The following THRB variants were observed in gnomAD, a reference collection of about 807,000 sequenced individuals.
THRB encodes nuclear receptor subfamily 1 group A member 2.
A neutral mutation model predicts 47.8 loss-of-function variants in THRB; 12 were observed. The ratio of observed to expected loss-of-function variants is 0.25; its 90% confidence interval spans 0.16 to 0.41. The LOEUF (loss-of-function observed/expected upper bound fraction) is 0.41. Among genes scored for constraint, THRB ranks in the 10% least tolerant of loss-of-function variants. THRB has a pLI of 1.00. For missense variants in THRB, 348 were observed against 589.2 expected (o/e 0.59, Z 4.24); for synonymous variants, 218 against 212.2 (o/e 1.03, Z -0.24).
At position 24,181,763 on chromosome 3, in the gene THRB, C is replaced by T. The variant is rs73037635; in HGVS notation, c.283+8311G>A. On this transcript the variant is annotated intron_variant, in intron 5 of 10. Coordinates refer to ENST00000646209, the MANE Select transcript of THRB (RefSeq NM_001354712.2). Reference sequence around the variant, plus strand: ...TCTCTCTTATCCCTTGCTATCCTTACCCTGTTCATGGCCTCCTTCTAGTCC... The same window carrying T: ...TCTCTCTTATCCCTTGCTATCCTTATCCTGTTCATGGCCTCCTTCTAGTCC... Among the ~76,000 whole-genome samples the T allele has an allele frequency of 9.3e-3, 1,414 of 152,318 alleles. 21 individuals carry two copies. Among genetic ancestry groups the T allele is most frequent in the Non-Finnish European group, 0.012 (792 of 68,026 alleles).
chr3:24,343,469 C>T (rs71328474), intron 1 of THRB, among the ~76,000 whole-genome samples: 4 of 152,162 alleles, frequency 2.6e-5, no homozygotes, highest in South Asian at 2.1e-4. Context: ...ACGAAACAAG[C>T]GCAAGAGTAC....
At chr3:24,229,121 C>G (rs997866546) in intron 3 of THRB, 120 bp from the exon 4 acceptor site, 6 of 687,610 alleles carry the variant, frequency 8.7e-6, no homozygotes, top group African/African-American at 5.4e-5. Flanking sequence ...ACTCTCAACT[C>G]AGAACTGGGG....
At chr3:24,204,251 C>G (rs1194307271) in intron 4 of THRB, among the ~76,000 whole-genome samples, 1 of 152,356 alleles carries the variant, frequency 6.6e-6, no homozygotes, top group Non-Finnish European at 1.5e-5. Context: ...CGAGGCACCC[C>G]CCAGTAGGGG....
At chr3:24,207,244 CAAT>C (rs1345651171) in intron 4 of THRB, among the ~76,000 whole-genome samples, 1 of 152,162 alleles carries the variant, frequency 6.6e-6, no homozygotes, top group Non-Finnish European at 1.5e-5. Context: ...CAAAAATCCT[CAAT>C]AAAATACGGG....
At chr3:24,380,435 A>T (rs1356758878) in intron 1 of THRB, among the ~76,000 whole-genome samples, 2 of 151,910 alleles carry the variant, frequency 1.3e-5, no homozygotes, top group African/African-American at 4.8e-5. Context: ...TTCCTTAAAC[A>T]TACCAGGTAT....
At chr3:24,265,550 A>G (rs900569219) in intron 3 of THRB, among the ~76,000 whole-genome samples, 1 of 152,238 alleles carries the variant, frequency 6.6e-6, no homozygotes, top group Non-Finnish European at 1.5e-5. Flanking sequence ...ATGGTACTGT[A>G]TAATAATCAA....
chr3:24,314,096 C>T (rs1298708715), intron 2 of THRB, among the ~76,000 whole-genome samples: 2 of 152,170 alleles, frequency 1.3e-5, no homozygotes, highest in African/African-American at 2.4e-5. Context: ...GCGTTTTATA[C>T]ACCTGCTGTC....
chr3:24,141,275 G>A (rs2035406507), intron 8 of THRB, among the ~76,000 whole-genome samples: 1 of 152,202 alleles, frequency 6.6e-6, no homozygotes, highest in South Asian at 2.1e-4. Flanking sequence ...GAACAGTGCA[G>A]ACCTCAAGAC....
chr3:24,328,141 A>G (rs561626657), intron 2 of THRB, among the ~76,000 whole-genome samples: 98 of 152,308 alleles, frequency 6.4e-4, no homozygotes, highest in South Asian at 1.5e-3. Flanking sequence ...TGGCGAGGCC[A>G]TAGGGAGGCA....
At chr3:24,288,376 G>A (rs1399300124) in intron 3 of THRB, among the ~76,000 whole-genome samples, 1 of 152,200 alleles carries the variant, frequency 6.6e-6, no homozygotes, top group African/African-American at 2.4e-5. Flanking sequence ...CTAGAAAATA[G>A]GCTAACCTGT....
chr3:24,394,399 G>T (rs756094147), intron 1 of THRB, among the ~76,000 whole-genome samples: 2 of 151,992 alleles, frequency 1.3e-5, no homozygotes, highest in African/African-American at 4.8e-5. Flanking sequence ...CCTTGACTTG[G>T]GCTCTCCATC....
In THRB at chr3:24,370,768, C is replaced by A. The variant is rs368391220; in HGVS notation, c.-260-33397G>T. Among the ~76,000 whole-genome samples the A allele has an allele frequency of 1.8e-3, 279 of 152,194 alleles. 10 individuals carry two copies. In the South Asian group the frequency reaches 0.036, roughly 19 times the overall value. On this transcript the variant is annotated intron_variant, in intron 1 of 10. Transcript: ENST00000646209. Reference sequence around the variant, plus strand: ...TACTTCTGACAAATTCAGATGGGCACAAGGGCTCCCCAAGCTAGGAGACTG... The same window carrying A: ...TACTTCTGACAAATTCAGATGGGCAAAAGGGCTCCCCAAGCTAGGAGACTG...
At position 24,394,057 on chromosome 3, in the gene THRB, T is replaced by C. The variant is rs1234907282; in HGVS notation, c.-260-56686A>G. 2.6e-5 allele frequency among the ~76,000 whole-genome samples: 4 copies of C among 152,100 alleles called. No individual in the cohort carries two copies. The East Asian group carries it at 7.7e-4, about 29-fold the overall frequency. ...AATAGATATTTTTATTTCTATATCA[T>C]AGAAAGGGAAGATAAGGCTCAAAGA... On this transcript the variant is annotated intron_variant, in intron 1 of 10. Coordinates refer to ENST00000646209, the MANE Select transcript of THRB (RefSeq NM_001354712.2).
In THRB at chr3:24,490,485, C is replaced by T. The variant is rs912706049; in HGVS notation, c.-261+4167G>A. Among the ~76,000 whole-genome samples, 3 of 152,286 alleles carry T rather than the reference C, an allele frequency of 2.0e-5. 1 individual carries two copies. In the South Asian group the frequency reaches 6.2e-4, roughly 32 times the overall value. ...TCTTCCAACAGTGTTTCACCTGTGCCCATGTACCAAGCTCTTTGCTAGGCT... is the reference window on the plus strand; with the variant it reads ...TCTTCCAACAGTGTTTCACCTGTGCTCATGTACCAAGCTCTTTGCTAGGCT... On this transcript the variant is annotated intron_variant, in intron 1 of 10. Transcript: ENST00000646209.
At chr3:24,413,120 G>A (rs2068447326) in intron 1 of THRB, among the ~76,000 whole-genome samples, 1 of 151,758 alleles carries the variant, frequency 6.6e-6, no homozygotes, top group African/African-American at 2.4e-5. Flanking sequence ...AAATATGGAA[G>A]AACAGCTTTA....
chr3:24,264,155 CTCCAT>C (rs2052394114), intron 3 of THRB, among the ~76,000 whole-genome samples: 1 of 152,186 alleles, frequency 6.6e-6, no homozygotes, highest in Admixed American at 6.5e-5. Flanking sequence ...TCCTCACTCA[CTCCAT>C]TCTAGTCTCA....
rs869282949 is a variant in THRB, at chr3:24,198,466, CT to C, written c.23-8133del. ...TGTCTCCCCCCGCCCCCCCCCCCCC[CT>C]TTTTTTTTTAACTACTAGTAATTAC... On this transcript the variant is annotated intron_variant, in intron 4 of 10. Transcript: ENST00000646209. Among the ~76,000 whole-genome samples, 46 of 61,446 alleles carry C rather than the reference CT, an allele frequency of 7.5e-4. 1 individual carries two copies. The highest frequency in any genetic ancestry group is 4.1e-3 in the East Asian group (6 of 1,468). 40.3% of individuals were successfully genotyped at this position (61,446 alleles called of 152,430 possible). A position where few individuals can be genotyped will look rare whatever the true frequency, so the allele number is the denominator to read the frequency against.
chr3:24,133,511 T>C, intron 8 of THRB, 49 bp from the exon 9 acceptor site: 2 of 1,539,870 alleles, frequency 1.3e-6, no homozygotes, highest in Non-Finnish European at 1.8e-6. Context: ...TGAAGGGAGC[T>C]TTATTTATCA....
chr3:24,426,871 G>T (rs141004099), intron 1 of THRB, among the ~76,000 whole-genome samples: 2 of 151,850 alleles, frequency 1.3e-5, no homozygotes, highest in African/African-American at 4.8e-5. Context: ...TATGGAATAC[G>T]CTTGTGAATC....
Sources: gnomAD v4.1 joint callset for allele counts (sites outside exome capture counted in the v4.1 genomes callset) on GRCh38, gnomAD v4.1.1 for gene constraint, MANE v1.5 for transcripts, NCBI Gene and HGNC (gene_info 2026-07-23, HGNC 2026-07-21) for gene names.